FYN: variants seen among roughly 807,000 people sequenced by gnomAD.
FYN encodes FYN proto-oncogene, Src family tyrosine kinase.
Under a neutral mutation model 70.2 loss-of-function variants are expected in FYN, and 10 were observed. The observed-to-expected ratio is 0.14, with a 90% CI of 0.09 to 0.24. The LOEUF is 0.24. Among genes scored for constraint, FYN ranks in the 10% least tolerant of loss-of-function variants. FYN has a pLI of 1.00. For synonymous variants in FYN, 236 were observed against 248.6 expected (o/e 0.95, Z 0.48); for missense variants, 319 against 673.1 (o/e 0.47, Z 5.82).
At position 111,732,032 on chromosome 6, in the gene FYN, A is replaced by G. The variant is rs370474448; in HGVS notation, c.-11-11970T>C. ...TGATGCTTTCCCCAGCAGCACACAA[A>G]AAACAGTATTTGGGATGACAAGCTG... On this transcript the variant is annotated intron_variant, in intron 3 of 13. Transcript: ENST00000354650. Among the ~76,000 whole-genome samples the G allele has an allele frequency of 1.5e-4, 23 of 152,360 alleles. No individual in the cohort carries two copies. The South Asian group carries it at 4.8e-3, about 32-fold the overall frequency.
chr6:111,741,818 C>G (rs1215885291), intron 3 of FYN, among the ~76,000 whole-genome samples: 1 of 152,206 alleles, frequency 6.6e-6, no homozygotes, highest in Non-Finnish European at 1.5e-5. Flanking sequence ...CTGGGCCTCC[C>G]CCTGAGAATT....
intron 13 of FYN, among the ~76,000 whole-genome samples, chr6:111,665,282 C>G (rs554710044): frequency 6.6e-6 from 1 of 152,158 alleles, no homozygotes; most frequent in South Asian, 2.1e-4. Context: ...ATTAGGGATA[C>G]TTAACCTGTA....
chr6:111,816,891 A>C (rs1259359836), intron 2 of FYN, among the ~76,000 whole-genome samples: 2 of 152,212 alleles, frequency 1.3e-5, no homozygotes, highest in Non-Finnish European at 2.9e-5. Context: ...CAATAACCTA[A>C]ATATCCACTG....
chr6:111,682,423 A>G (rs1426800129), intron 12 of FYN, among the ~76,000 whole-genome samples: 1 of 152,164 alleles, frequency 6.6e-6, no homozygotes, highest in East Asian at 1.9e-4. Flanking sequence ...GTGGCCAGGT[A>G]ATCTGTTTTT....
intron 12 of FYN, among the ~76,000 whole-genome samples, chr6:111,683,069 T>C (rs1045800918): frequency 6.6e-6 from 1 of 152,216 alleles, no homozygotes; most frequent in African/African-American, 2.4e-5. Context: ...TGAGGGTCCA[T>C]GATGTCCCCA....
intron 2 of FYN, among the ~76,000 whole-genome samples, chr6:111,819,201 C>G (rs1385134586): frequency 6.6e-6 from 1 of 152,168 alleles, no homozygotes; most frequent in Non-Finnish European, 1.5e-5. Flanking sequence ...CCCCTACATC[C>G]AGATGCAGCT....
intron 3 of FYN, among the ~76,000 whole-genome samples, chr6:111,776,065 A>G (rs1272136738): frequency 1.3e-5 from 2 of 152,200 alleles, no homozygotes; most frequent in African/African-American, 4.8e-5. Context: ...ATAAGAAGCT[A>G]ATTTTATTTT....
At chr6:111,783,816 T>C (rs1298190395) in intron 2 of FYN, among the ~76,000 whole-genome samples, 2 of 152,116 alleles carry the variant, frequency 1.3e-5, no homozygotes, top group Admixed American at 6.5e-5. Flanking sequence ...CAGTCCAAGG[T>C]TTTGCAGTGT....
At chr6:111,670,478 T>A (rs1209468249) in intron 13 of FYN, among the ~76,000 whole-genome samples, 1 of 152,224 alleles carries the variant, frequency 6.6e-6, no homozygotes, top group Non-Finnish European at 1.5e-5. Flanking sequence ...GTTTATTGTT[T>A]GTCTCCTCAA....
intron 3 of FYN, among the ~76,000 whole-genome samples, chr6:111,752,584 C>A (rs1370450694): frequency 1.3e-5 from 2 of 152,150 alleles, no homozygotes; most frequent in African/African-American, 4.8e-5. Flanking sequence ...AGATGGGCAT[C>A]AGGGAGGCAT....
At chr6:111,869,367 C>T (rs1440358953) in intron 1 of FYN, among the ~76,000 whole-genome samples, 1 of 152,172 alleles carries the variant, frequency 6.6e-6, no homozygotes, top group East Asian at 1.9e-4. Context: ...TTTCCTCTTC[C>T]AATTAAGAGG....
At chr6:111,855,464 T>C (rs1773799850) in intron 1 of FYN, among the ~76,000 whole-genome samples, 1 of 152,230 alleles carries the variant, frequency 6.6e-6, no homozygotes, top group African/African-American at 2.4e-5. Context: ...AACAAGTGGC[T>C]ATATCCTATC....
chr6:111,759,146 C>T (rs1481700934), intron 3 of FYN: 1 of 152,264 alleles, frequency 6.6e-6, no homozygotes, highest in Non-Finnish European at 1.5e-5. Context: ...GTGAGACAGT[C>T]ACATTGTTTA....
At chr6:111,677,122 TTTTC>T (rs1354665920) in intron 12 of FYN, among the ~76,000 whole-genome samples, 1 of 152,356 alleles carries the variant, frequency 6.6e-6, no homozygotes, top group East Asian at 1.9e-4. Flanking sequence ...TTTGTATTAA[TTTTC>T]TTTCTAAGGC....
chr6:111,863,913 T>A (rs951800381), intron 1 of FYN, among the ~76,000 whole-genome samples: 1 of 152,168 alleles, frequency 6.6e-6, no homozygotes, highest in Non-Finnish European at 1.5e-5. Flanking sequence ...GGACTCCCTA[T>A]GTTTGCTTCC....
At chr6:111,794,227 C>T (rs566808759) in intron 2 of FYN, among the ~76,000 whole-genome samples, 29 of 152,354 alleles carry the variant, frequency 1.9e-4, no homozygotes, top group East Asian at 9.6e-4. Flanking sequence ...ATAGACTTTT[C>T]GGTGTCAACT....
At chr6:111,863,880 G>A (rs1391024021) in intron 1 of FYN, among the ~76,000 whole-genome samples, 7 of 152,050 alleles carry the variant, frequency 4.6e-5, no homozygotes, top group East Asian at 1.9e-4. Context: ...CCACTTCTCC[G>A]CCTGCTCCCA....
chr6:111,725,174 T>C (rs1801138290), intron 3 of FYN, among the ~76,000 whole-genome samples: 1 of 152,172 alleles, frequency 6.6e-6, no homozygotes, highest in Non-Finnish European at 1.5e-5. Context: ...CATAAGAATC[T>C]ACTTGGGGAC....
chr6:111,660,599 C>G lies in FYN; in HGVS notation c.*1140G>C, dbSNP rs1351396090. 6.6e-6 allele frequency: 1 copy of G among 152,158 alleles called. No homozygotes were observed. The highest frequency in any genetic ancestry group is 1.5e-5 in the Non-Finnish European group (1 of 68,032). The allele number at this position is 152,158 out of a possible 1,614,324, so 9.4% of individuals were successfully genotyped here. A position where few individuals can be genotyped will look rare whatever the true frequency, so the allele number is the denominator to read the frequency against. On this transcript the variant is annotated 3_prime_UTR_variant, in exon 14 of 14. Transcript: ENST00000354650. ...TGTAAAGTAGTGCATAGTTATTCCACTGGAGAACTCCTGGACATATAGAAA... is the reference window on the plus strand; with the variant it reads ...TGTAAAGTAGTGCATAGTTATTCCAGTGGAGAACTCCTGGACATATAGAAA...
Sources: allele counts gnomAD v4.1 joint callset (sites outside exome capture counted in the v4.1 genomes callset), GRCh38; gene constraint gnomAD v4.1.1; transcripts MANE v1.5; gene names NCBI Gene and HGNC (gene_info 2026-07-23, HGNC 2026-07-21).